Variants in USP37 observed in about 807,000 individuals in gnomAD.
The protein encoded by USP37 is ubiquitin specific peptidase 37.
USP37 carries 27 observed loss-of-function variants against 124.0 expected under a neutral mutation model. The observed-to-expected ratio is 0.22, with a 90% CI of 0.16 to 0.30. The LOEUF (loss-of-function observed/expected upper bound fraction) is 0.30, where lower values mean the gene tolerates loss of function less well. Ranked by LOEUF, USP37 falls within the 10% of genes least tolerant of loss-of-function variation. USP37 has a pLI of 1.00. For missense variants in USP37, 889 were observed against 1,140.4 expected (o/e 0.78, Z 3.17); for synonymous variants, 365 against 388.0 (o/e 0.94, Z 0.70).
intron 8 of USP37, among the ~76,000 whole-genome samples, chr2:218,543,091 A>T (rs1400732124): frequency 6.6e-6 from 1 of 152,200 alleles, no homozygotes; most frequent in Non-Finnish European, 1.5e-5. Flanking sequence ...GCTCTACAGT[A>T]AAAGATTACA....
intron 16 of USP37, 70 bp from the exon 17 acceptor site, chr2:218,482,304 A>G: frequency 6.6e-7 from 1 of 1,510,624 alleles, no homozygotes; most frequent in Middle Eastern, 1.8e-4. Context: ...AGTAAAAGAG[A>G]TCACTCTATG....
chr2:218,543,334 T>C (rs1692089514), intron 8 of USP37, among the ~76,000 whole-genome samples: 1 of 151,354 alleles, frequency 6.6e-6, no homozygotes, highest in African/African-American at 2.4e-5. Context: ...AAACCCCGTC[T>C]CTACTAAAAA....
chr2:218,482,738 G>A (rs762563845), intron 16 of USP37, among the ~76,000 whole-genome samples: 1 of 152,196 alleles, frequency 6.6e-6, no homozygotes, highest in Non-Finnish European at 1.5e-5. Context: ...AGCTAAGGAG[G>A]AAATACAAAA....
intron 4 of USP37, among the ~76,000 whole-genome samples, chr2:218,555,717 G>A (rs919922636): frequency 6.6e-6 from 1 of 152,030 alleles, no homozygotes; most frequent in Non-Finnish European, 1.5e-5. Flanking sequence ...TCTATCTTAA[G>A]CCCAGACCTC....
At chr2:218,490,567 AC>A (rs1315292079) in intron 14 of USP37, among the ~76,000 whole-genome samples, 2 of 152,144 alleles carry the variant, frequency 1.3e-5, no homozygotes, top group African/African-American at 4.8e-5. Context: ...TCATATTTCT[AC>A]CCTAATTCCC....
chr2:218,462,626 T>C lies in USP37; in HGVS notation c.2527+680A>G, dbSNP rs1690074997. On this transcript the variant is annotated intron_variant, in intron 22 of 25. Transcript: ENST00000258399. ...CGGGGAAACTGAAGCCACATTATGT[T>C]CTTCTAGGAGTCGTAACAGTGGCAA... Among the ~76,000 whole-genome samples, 3 of 152,172 alleles carry C rather than the reference T, an allele frequency of 2.0e-5. No individual in the cohort carries two copies. In the South Asian group the frequency reaches 6.2e-4, roughly 31 times the overall value.
chr2:218,509,393 T>A (rs905488306), intron 11 of USP37, among the ~76,000 whole-genome samples: 2 of 151,740 alleles, frequency 1.3e-5, no homozygotes, highest in Non-Finnish European at 2.9e-5. Flanking sequence ...GATTTAAAAT[T>A]TAAAAAAAAT....
At chr2:218,515,352 T>C (rs1690219369) in intron 10 of USP37, among the ~76,000 whole-genome samples, 1 of 152,062 alleles carries the variant, frequency 6.6e-6, no homozygotes, top group East Asian at 1.9e-4. Context: ...AACAGATATA[T>C]AGACCAATGG....
intron 10 of USP37, among the ~76,000 whole-genome samples, chr2:218,525,038 A>G (rs1690879437): frequency 1.3e-5 from 2 of 152,232 alleles, no homozygotes; most frequent in Admixed American, 1.3e-4. Flanking sequence ...TACCACATTC[A>G]CTTATTAGCT....
intron 15 of USP37, among the ~76,000 whole-genome samples, chr2:218,487,174 C>T (rs1268752070): frequency 3.9e-5 from 6 of 152,130 alleles, no homozygotes; most frequent in Non-Finnish European, 8.8e-5. Context: ...CTGATTATGC[C>T]CCAGAAACTT....
At chr2:218,465,859 A>G in intron 21 of USP37, 151 bp downstream of exon 21, 1 of 1,051,510 alleles carries the variant, frequency 9.5e-7, no homozygotes, top group Non-Finnish European at 1.3e-6. Context: ...CCCTGCCTCA[A>G]ACAAGTCTTT....
At chr2:218,463,433 A>T in intron 21 of USP37, 67 bp from the exon 22 acceptor site, 1 of 1,426,882 alleles carries the variant, frequency 7.0e-7, no homozygotes, top group South Asian at 1.2e-5. Flanking sequence ...TAATGAGGAT[A>T]AAATCAGTTT....
chr2:218,496,006 T>TA, intron 13 of USP37, 56 bp from the exon 14 acceptor site: 1 of 1,530,836 alleles, frequency 6.5e-7, no homozygotes, highest in Non-Finnish European at 8.8e-7. Flanking sequence ...CACAATAGCT[T>TA]ACTGAGGCTG....
rs910872461 is a variant in USP37, at chr2:218,536,674, A to G, written c.681-1968T>C. Among the ~76,000 whole-genome samples the G allele has an allele frequency of 2.0e-5, 3 of 152,048 alleles. No individual in the cohort carries two copies. The East Asian group carries it at 5.8e-4, about 29-fold the overall frequency. ...TATTGCTTTCCTTACTCCCTTCACT[A>G]TCTTCTCTGGGAGTACTTCCTTAGT... is the stretch of plus-strand genomic sequence containing the variant. On this transcript the variant is annotated intron_variant, in intron 8 of 25. Transcript: ENST00000258399.
chr2:218,465,803 G>A (rs1017555156), intron 21 of USP37, among the ~76,000 whole-genome samples: 1 of 152,030 alleles, frequency 6.6e-6, no homozygotes, highest in Non-Finnish European at 1.5e-5. Context: ...TGATCCGTCC[G>A]CCTCAGCCTC....
chr2:218,457,219 T>G, intron 23 of USP37, 58 bp from the exon 24 acceptor site: 1 of 1,468,612 alleles, frequency 6.8e-7, no homozygotes. Flanking sequence ...AGCAAAACAC[T>G]GAATATAAAT....
At chr2:218,464,504 C>T (rs1027992553) in intron 21 of USP37, among the ~76,000 whole-genome samples, 2 of 152,192 alleles carry the variant, frequency 1.3e-5, no homozygotes, top group African/African-American at 4.8e-5. Context: ...TCCCAAAGTG[C>T]TGGGATTACA....
intron 4 of USP37, among the ~76,000 whole-genome samples, chr2:218,555,663 C>T (rs1220245412): frequency 1.3e-5 from 2 of 152,186 alleles, no homozygotes; most frequent in Non-Finnish European, 2.9e-5. Flanking sequence ...TCCAGCCCCA[C>T]AATTTCAGTA....
intron 10 of USP37, among the ~76,000 whole-genome samples, chr2:218,525,216 C>T (rs1690888966): frequency 6.6e-6 from 1 of 152,202 alleles, no homozygotes; most frequent in South Asian, 2.1e-4. Flanking sequence ...TGCAGTCGCT[C>T]GTGCCTGTAA....
Sources: allele counts gnomAD v4.1 joint callset (sites outside exome capture counted in the v4.1 genomes callset), GRCh38; gene constraint gnomAD v4.1.1; transcripts MANE v1.5; gene names NCBI Gene and HGNC (gene_info 2026-07-23, HGNC 2026-07-21).